CDKAL1: variants seen among roughly 807,000 people sequenced by gnomAD.
The protein encoded by CDKAL1 is CDKAL1 threonylcarbamoyladenosine tRNA methylthiotransferase, also known as threonylcarbamoyladenosine tRNA methylthiotransferase.
A neutral mutation model predicts 68.2 loss-of-function variants in CDKAL1; 32 were observed. The observed-to-expected ratio is 0.47, with a 90% CI of 0.35 to 0.63. The LOEUF is 0.63. CDKAL1 is among the 30% of genes least tolerant of loss of function. CDKAL1 has a pLI of 0.00. For synonymous variants in CDKAL1, 234 were observed against 244.3 expected, an observed-to-expected ratio of 0.96 and a Z score of 0.39; for missense variants, 606 against 696.7, an observed-to-expected ratio of 0.87 and a Z score of 1.47.
intron 13 of CDKAL1, among the ~76,000 whole-genome samples, chr6:21,172,231 A>T (rs1182192598): frequency 6.6e-6 from 1 of 152,118 alleles, no homozygotes; most frequent in African/African-American, 2.4e-5. Flanking sequence ...ATCACTATGA[A>T]ATGGTCAAGC....
chr6:20,853,400 A>AAC (rs1759141022), intron 9 of CDKAL1, among the ~76,000 whole-genome samples: 1 of 33,004 alleles, frequency 3.0e-5, no homozygotes, highest in Non-Finnish European at 1.5e-4. Context: ...ACAAAAAAAA[A>AAC]ACAAAAAAAA....
intron 12 of CDKAL1, among the ~76,000 whole-genome samples, chr6:21,083,734 A>G (rs1772543819): frequency 6.6e-6 from 1 of 152,076 alleles, no homozygotes; most frequent in Admixed American, 6.5e-5. Flanking sequence ...TAGTTGTTCT[A>G]TTTCTGTAGT....
At chr6:20,620,203 C>T (rs936798674) in intron 4 of CDKAL1, among the ~76,000 whole-genome samples, 1 of 152,118 alleles carries the variant, frequency 6.6e-6, no homozygotes, top group East Asian at 1.9e-4. Flanking sequence ...GAAAAGTCAC[C>T]TTAATCTTTT....
chr6:21,020,468 A>T (rs547769794), intron 11 of CDKAL1, among the ~76,000 whole-genome samples: 1 of 151,824 alleles, frequency 6.6e-6, no homozygotes. Flanking sequence ...TATTTTATTT[A>T]TTTATTTATT....
intron 8 of CDKAL1, among the ~76,000 whole-genome samples, chr6:20,842,917 G>A (rs553238346): frequency 3.3e-5 from 5 of 152,250 alleles, no homozygotes; most frequent in East Asian, 1.9e-4. Flanking sequence ...AGAGTTTTTT[G>A]AATTCTTCAT....
intron 9 of CDKAL1, among the ~76,000 whole-genome samples, chr6:20,923,652 A>T (rs1414132902): frequency 6.6e-6 from 1 of 152,194 alleles, no homozygotes; most frequent in African/African-American, 2.4e-5. Flanking sequence ...ACATTGACTT[A>T]GAGGCCTACA....
intron 10 of CDKAL1, among the ~76,000 whole-genome samples, chr6:20,969,310 G>T (rs1342492323): frequency 6.6e-6 from 1 of 151,926 alleles, no homozygotes; most frequent in Non-Finnish European, 1.5e-5. Flanking sequence ...GTAAGCTAGA[G>T]GAAAGAAAAT....
chr6:20,850,970 A>G (rs1314518268), intron 9 of CDKAL1, among the ~76,000 whole-genome samples: 2 of 152,176 alleles, frequency 1.3e-5, no homozygotes, highest in African/African-American at 4.8e-5. Context: ...ATGTTTAAAT[A>G]GAAATGTAAT....
chr6:20,737,364 G>GT (rs1454592140), intron 5 of CDKAL1, among the ~76,000 whole-genome samples: 1 of 152,232 alleles, frequency 6.6e-6, no homozygotes, highest in African/African-American at 2.4e-5. Flanking sequence ...AGCTTGTTGA[G>GT]TGCAAAGCAC....
At chr6:21,084,508 T>C (rs1022436042) in intron 12 of CDKAL1, among the ~76,000 whole-genome samples, 2 of 152,194 alleles carry the variant, frequency 1.3e-5, no homozygotes, top group African/African-American at 4.8e-5. Context: ...AAGTGAACTA[T>C]TTTTCCTGAA....
At chr6:20,655,630 T>C (rs965145252) in intron 5 of CDKAL1, among the ~76,000 whole-genome samples, 8 of 152,186 alleles carry the variant, frequency 5.3e-5, no homozygotes, top group African/African-American at 1.9e-4. Flanking sequence ...TGTGCGCTCC[T>C]TATAAGAATC....
At chr6:20,775,444 T>C (rs1775132688) in intron 7 of CDKAL1, among the ~76,000 whole-genome samples, 1 of 152,230 alleles carries the variant, frequency 6.6e-6, no homozygotes, top group African/African-American at 2.4e-5. Context: ...TAGGCCTCAG[T>C]GGCTAACGAG....
chr6:21,065,260 T>A, intron 12 of CDKAL1, 32 bp downstream of exon 12: 1 of 1,548,352 alleles, frequency 6.5e-7, no homozygotes. Flanking sequence ...GTATTGTTTT[T>A]TGCCAGTAGC....
chr6:20,980,717 G>A (rs1766099209), intron 10 of CDKAL1, among the ~76,000 whole-genome samples: 1 of 152,146 alleles, frequency 6.6e-6, no homozygotes, highest in African/African-American at 2.4e-5. Context: ...CGTGTTCTGT[G>A]TTTGGTGACC....
At chr6:20,904,789 CAAGAAAAAAAAA>C (rs1461704894) in intron 9 of CDKAL1, among the ~76,000 whole-genome samples, 1 of 90,362 alleles carries the variant, frequency 1.1e-5, no homozygotes, top group Non-Finnish European at 2.2e-5. Flanking sequence ...AACTCCATCT[CAAGAAAAAAAAA>C]AAGAAAAAAG....
At chr6:20,961,793 A>G (rs1355762840) in intron 10 of CDKAL1, among the ~76,000 whole-genome samples, 1 of 152,076 alleles carries the variant, frequency 6.6e-6, no homozygotes, top group African/African-American at 2.4e-5. Context: ...AGAAAAACAA[A>G]AAAAAAACAT....
rs117393623 is a variant in CDKAL1 at position 20,673,484 on chromosome 6, G to A, written c.371+24107G>A. ...GAAAAGATCTGTACATGTTTAGTAC[G>A]GACACAGTTGTTTTCCCCTGAGTAT... is the stretch of plus-strand genomic sequence containing the variant. On this transcript the variant is annotated intron_variant, in intron 5 of 15. Coordinates refer to ENST00000274695, the MANE Select transcript of CDKAL1 (RefSeq NM_017774.3). 1.4e-3 allele frequency among the ~76,000 whole-genome samples: 213 copies of A among 152,252 alleles called. 2 individuals carry two copies. The East Asian group carries it at 0.025, about 18-fold the overall frequency.
intron 6 of CDKAL1, among the ~76,000 whole-genome samples, chr6:20,757,741 TTTATA>T (rs1774285565): frequency 6.6e-6 from 1 of 152,206 alleles, no homozygotes; most frequent in South Asian, 2.1e-4. Context: ...TGACTTCCAT[TTTATA>T]TTCTATTTTG....
At chr6:20,918,732 T>G (rs1762826495) in intron 9 of CDKAL1, among the ~76,000 whole-genome samples, 1 of 152,254 alleles carries the variant, frequency 6.6e-6, no homozygotes, top group African/African-American at 2.4e-5. Flanking sequence ...CTTTACTTAC[T>G]CATATTCCTA....
Sources: gnomAD v4.1 joint callset for allele counts (sites outside exome capture counted in the v4.1 genomes callset) on GRCh38, gnomAD v4.1.1 for gene constraint, MANE v1.5 for transcripts, NCBI Gene and HGNC (gene_info 2026-07-23, HGNC 2026-07-21) for gene names.